PLCL1: variants seen among roughly 807,000 people sequenced by gnomAD.
PLCL1 encodes phospholipase C like 1 (inactive).
In PLCL1, 41 loss-of-function variants were observed where a neutral mutation model predicts 84.4. The observed-to-expected ratio is 0.49, with a 90% CI of 0.38 to 0.63. PLCL1 has a LOEUF of 0.63. Ranked by LOEUF, PLCL1 falls within the 30% of genes least tolerant of loss-of-function variation. The pLI is 0.00. For synonymous variants in PLCL1, 490 were observed against 488.3 expected (o/e 1.00, Z -0.05); for missense variants, 1,206 against 1,367.8 (o/e 0.88, Z 1.87).
At chr2:197,887,179 A>C (rs994133891) in intron 1 of PLCL1, among the ~76,000 whole-genome samples, 1 of 152,156 alleles carries the variant, frequency 6.6e-6, no homozygotes, top group Non-Finnish European at 1.5e-5. Context: ...ATCTCCATGT[A>C]TATTTTTCAT....
intron 1 of PLCL1, among the ~76,000 whole-genome samples, chr2:197,900,815 G>T (rs972366821): frequency 1.3e-5 from 2 of 152,134 alleles, no homozygotes; most frequent in Non-Finnish European, 2.9e-5. Flanking sequence ...AAATCTAAGG[G>T]CTTTTCTGGA....
chr2:198,119,352 T>G (rs1028944721), intron 5 of PLCL1, among the ~76,000 whole-genome samples: 1 of 152,022 alleles, frequency 6.6e-6, no homozygotes, highest in African/African-American at 2.4e-5. Flanking sequence ...TGTTAGTCTG[T>G]TAGCTTCAAG....
intron 1 of PLCL1, among the ~76,000 whole-genome samples, chr2:197,810,732 C>T (rs533560877): frequency 5.4e-4 from 82 of 152,324 alleles, no homozygotes; most frequent in African/African-American, 1.8e-3. Context: ...GTGGCCCAGG[C>T]AGTAACTCAA....
intron 1 of PLCL1, among the ~76,000 whole-genome samples, chr2:198,052,596 T>C (rs934400361): frequency 6.6e-6 from 1 of 151,986 alleles, no homozygotes; most frequent in African/African-American, 2.4e-5. Flanking sequence ...CACCAACCAA[T>C]ACAGGTTTCC....
At chr2:197,886,947 C>CT (rs1559035501) in intron 1 of PLCL1, among the ~76,000 whole-genome samples, 1 of 152,306 alleles carries the variant, frequency 6.6e-6, no homozygotes, top group South Asian at 2.1e-4. Context: ...TTGCAAGCTG[C>CT]TTTAACATAC....
At chr2:197,842,855 C>A (rs933473547) in intron 1 of PLCL1, among the ~76,000 whole-genome samples, 3 of 152,096 alleles carry the variant, frequency 2.0e-5, no homozygotes, top group South Asian at 2.1e-4. Flanking sequence ...AAGGTAGAAC[C>A]TTTTCATTTC....
intron 1 of PLCL1, among the ~76,000 whole-genome samples, chr2:198,039,646 T>C (rs1691615107): frequency 1.3e-5 from 2 of 152,324 alleles, no homozygotes; most frequent in East Asian, 1.9e-4. Flanking sequence ...AACTGATTAT[T>C]TTTGTTTCCT....
chr2:197,871,545 A>G (rs551211146), intron 1 of PLCL1, among the ~76,000 whole-genome samples: 1 of 152,160 alleles, frequency 6.6e-6, no homozygotes, highest in South Asian at 2.1e-4. Flanking sequence ...TCATTTTCTC[A>G]TGGTTTTGGA....
At chr2:198,054,328 C>T (rs1157488661) in intron 1 of PLCL1, among the ~76,000 whole-genome samples, 1 of 152,144 alleles carries the variant, frequency 6.6e-6, no homozygotes, top group Non-Finnish European at 1.5e-5. Context: ...CCAAATGGAC[C>T]TAACAGACAT....
chr2:198,006,748 A>G (rs559727578), intron 1 of PLCL1, among the ~76,000 whole-genome samples: 1 of 152,252 alleles, frequency 6.6e-6, no homozygotes, highest in South Asian at 2.1e-4. Context: ...CAAGAATGAG[A>G]CTAGAGCATT....
At position 197,939,898 on chromosome 2, in the gene PLCL1, G is replaced by A. The variant is rs1689125337; in HGVS notation, c.240+134559G>A. On this transcript the variant is annotated intron_variant, in intron 1 of 5. Coordinates refer to ENST00000428675, the MANE Select transcript of PLCL1 (RefSeq NM_006226.4). ...AACCTGGCTGCGTTAGAATCACCTG[G>A]GTAACTTAAACAACCCCCAAAAACA... 2.0e-5 allele frequency among the ~76,000 whole-genome samples: 3 copies of A among 151,782 alleles called. No individual in the cohort carries two copies. In the South Asian group the frequency reaches 6.2e-4, roughly 32 times the overall value.
At chr2:197,929,373 C>T (rs1369542670) in intron 1 of PLCL1, among the ~76,000 whole-genome samples, 1 of 152,134 alleles carries the variant, frequency 6.6e-6, no homozygotes, top group Non-Finnish European at 1.5e-5. Context: ...GCAGCATGCT[C>T]CTTAACTGTT....
chr2:198,037,286 GC>G lies in PLCL1; in HGVS notation c.241-46470del, dbSNP rs1357412918. ...TTATAGTGATTGCTTCTGGAGTATT[GC>G]CTTTCTGATAAAATACTGGATAAAT... On this transcript the variant is annotated intron_variant, in intron 1 of 5. Transcript: ENST00000428675. 3.3e-5 allele frequency among the ~76,000 whole-genome samples: 5 copies of G among 152,142 alleles called. 1 individual carries two copies. The highest frequency in any genetic ancestry group is 2.6e-4 in the Admixed American group (4 of 15,272).
At chr2:198,071,837 G>T (rs187120397) in intron 1 of PLCL1, among the ~76,000 whole-genome samples, 1 of 151,660 alleles carries the variant, frequency 6.6e-6, no homozygotes, top group African/African-American at 2.4e-5. Context: ...TACTCTTATA[G>T]TTTTTCCTAG....
intron 1 of PLCL1, among the ~76,000 whole-genome samples, chr2:197,943,627 C>CTTTTTTTTTTTTT (rs5837573): frequency 3.6e-4 from 43 of 119,176 alleles, no homozygotes; most frequent in Middle Eastern, 4.9e-3. Context: ...TTGGTTACAT[C>CTTTTTTTTTTTTT]TTTTTTTTTT....
intron 1 of PLCL1, among the ~76,000 whole-genome samples, chr2:197,842,253 A>G (rs919068047): frequency 6.6e-6 from 1 of 151,992 alleles, no homozygotes; most frequent in Non-Finnish European, 1.5e-5. Flanking sequence ...TTTTGAGGAG[A>G]AAGGTTGAGC....
intron 1 of PLCL1, among the ~76,000 whole-genome samples, chr2:197,912,494 C>T (rs1386028721): frequency 5.3e-5 from 8 of 151,672 alleles, no homozygotes; most frequent in Non-Finnish European, 8.8e-5. Context: ...CACATGCACA[C>T]GTATGTTTAT....
At chr2:197,975,126 C>T (rs1464615250) in intron 1 of PLCL1, among the ~76,000 whole-genome samples, 3 of 116,344 alleles carry the variant, frequency 2.6e-5, no homozygotes, top group Admixed American at 1.3e-4. Flanking sequence ...CCGGCCTGGG[C>T]GACAGAGCGA....
chr2:197,967,787 A>G (rs1487201130), intron 1 of PLCL1, among the ~76,000 whole-genome samples: 2 of 152,210 alleles, frequency 1.3e-5, no homozygotes, highest in East Asian at 3.9e-4. Flanking sequence ...GAACTTTATC[A>G]TGCATATGAA....
Sources: allele counts gnomAD v4.1 joint callset (sites outside exome capture counted in the v4.1 genomes callset), GRCh38; gene constraint gnomAD v4.1.1; transcripts MANE v1.5; gene names NCBI Gene and HGNC (gene_info 2026-07-23, HGNC 2026-07-21).